The following CSMD1 variants were observed in gnomAD, a reference collection of about 807,000 sequenced individuals.
The protein encoded by CSMD1 is CUB and Sushi multiple domains 1.
Under a neutral mutation model 417.5 loss-of-function variants are expected in CSMD1, and 213 were observed. The observed-to-expected ratio is 0.51, with a 90% CI of 0.46 to 0.57. The LOEUF is 0.57. Among genes scored for constraint, CSMD1 ranks in the 20% least tolerant of loss-of-function variants. The probability of loss-of-function intolerance (pLI) is 0.00; values close to 1 mark genes in which losing one functional copy is unlikely to be tolerated. For synonymous variants in CSMD1, 2,862 were observed against 1,736.8 expected, an observed-to-expected ratio of 1.65 and a Z score of -16.11; for missense variants, 6,923 against 4,529.7, an observed-to-expected ratio of 1.53 and a Z score of -15.17.
chr8:4,782,592 C>G (rs746474506), intron 1 of CSMD1, among the ~76,000 whole-genome samples: 23 of 152,054 alleles, frequency 1.5e-4, no homozygotes, highest in Non-Finnish European at 3.1e-4. Flanking sequence ...ATTTCACATT[C>G]TTTGTAGGTA....
chr8:4,648,697 A>G (rs370820753), intron 1 of CSMD1, among the ~76,000 whole-genome samples: 7 of 152,148 alleles, frequency 4.6e-5, no homozygotes, highest in Admixed American at 2.6e-4. Flanking sequence ...TAACATTTAC[A>G]GTTGTGCTTT....
intron 3 of CSMD1, among the ~76,000 whole-genome samples, chr8:4,072,708 G>T (rs987245906): frequency 4.6e-5 from 7 of 152,128 alleles, no homozygotes; most frequent in African/African-American, 1.4e-4. Flanking sequence ...TGTGAATTGG[G>T]AATACAGAAA....
chr8:3,456,026 C>T (rs925425941), intron 12 of CSMD1, among the ~76,000 whole-genome samples: 8 of 152,174 alleles, frequency 5.3e-5, no homozygotes, highest in Non-Finnish European at 1.0e-4. Flanking sequence ...GCCCCTCCCC[C>T]AGCCTCGCCG....
rs182809039 is a variant in CSMD1 at position 4,790,278 on chromosome 8, G to A, written c.86-152720C>T. 8.0e-4 allele frequency among the ~76,000 whole-genome samples: 121 copies of A among 152,128 alleles called. 4 individuals are homozygous for A. In the South Asian group the frequency reaches 0.023, roughly 29 times the overall value. On this transcript the variant is annotated intron_variant, in intron 1 of 69. Coordinates refer to ENST00000635120, the MANE Select transcript of CSMD1 (RefSeq NM_033225.6). ...AACTAGGAATACAGCTAACCAGGAAGGTGAAATACCTCTACCACGAGAATT... is the reference window on the plus strand; with the variant it reads ...AACTAGGAATACAGCTAACCAGGAAAGTGAAATACCTCTACCACGAGAATT...
rs758625595 is a variant in CSMD1, at chr8:3,575,055, C to T, written c.1234G>A (p.Gly412Arg). ...HRPICRARTC[G>R]SNLRGPSGVI... is the part of the protein sequence containing the mutation. ...CCGCTGGGCCCACGCAGATTGGATCCACATGTTCTCGCTGGAAACACATAG... is the reference window on the plus strand; with the variant it reads ...CCGCTGGGCCCACGCAGATTGGATCTACATGTTCTCGCTGGAAACACATAG... The change falls in exon 10 of 70, where the codon GGA becomes AGA. Residue 412 changes from glycine to arginine, a missense_variant. By Grantham distance (125) the Gly-to-Arg change is moderately radical. Coordinates refer to ENST00000635120, the MANE Select transcript of CSMD1 (RefSeq NM_033225.6). 6.2e-7 allele frequency: 1 copy of T among 1,612,934 alleles called. No individual in the cohort carries two copies. Among genetic ancestry groups the T allele is most frequent in the Non-Finnish European group, 8.5e-7 (1 of 1,179,420 alleles).
At chr8:4,674,813 G>A (rs78739883) in intron 1 of CSMD1, among the ~76,000 whole-genome samples, 2 of 152,190 alleles carry the variant, frequency 1.3e-5, no homozygotes, top group East Asian at 1.9e-4. Flanking sequence ...GTGTTAAAGT[G>A]CTAAGCCCCC....
At chr8:3,655,662 T>G (rs1283847455) in intron 7 of CSMD1, among the ~76,000 whole-genome samples, 1 of 38,914 alleles carries the variant, frequency 2.6e-5, no homozygotes, top group African/African-American at 6.0e-5. Context: ...AGGTTGCGTT[T>G]TTTTTTTTTT....
At chr8:3,364,927 G>C (rs1345480737) in intron 20 of CSMD1, among the ~76,000 whole-genome samples, 3 of 152,198 alleles carry the variant, frequency 2.0e-5, no homozygotes, top group Non-Finnish European at 4.4e-5. Context: ...ACCAGAATAA[G>C]AAACTGATGC....
chr8:3,302,449 C>G (rs568284945), intron 25 of CSMD1, among the ~76,000 whole-genome samples: 1 of 152,280 alleles, frequency 6.6e-6, no homozygotes, highest in Admixed American at 6.5e-5. Context: ...AGCTATTTCT[C>G]CTGTAATTCC....
At chr8:3,221,209 A>C (rs28416291) in intron 28 of CSMD1, among the ~76,000 whole-genome samples, 11,870 of 151,976 alleles carry the variant, frequency 0.078, 518 homozygotes, top group African/African-American at 0.11. Context: ...CATTATGCCA[A>C]CCTGTTTTGG....
intron 52 of CSMD1, among the ~76,000 whole-genome samples, chr8:3,013,534 C>G (rs562616850): frequency 2.6e-5 from 4 of 152,056 alleles, no homozygotes; most frequent in African/African-American, 9.7e-5. Context: ...GCAGATCACC[C>G]AAGGTCAGGA....
chr8:4,593,040 G>A (rs919069201), intron 2 of CSMD1, among the ~76,000 whole-genome samples: 12 of 152,216 alleles, frequency 7.9e-5, no homozygotes, highest in African/African-American at 2.2e-4. Context: ...ATGCTGGAGG[G>A]GTTTGTAAAT....
At chr8:4,926,636 T>C (rs149916961) in intron 1 of CSMD1, among the ~76,000 whole-genome samples, 30 of 152,354 alleles carry the variant, frequency 2.0e-4, no homozygotes, top group African/African-American at 7.0e-4. Flanking sequence ...TCCTTAATTC[T>C]TGATTTCCTT....
chr8:4,246,650 G>T (rs1428400713), intron 3 of CSMD1, among the ~76,000 whole-genome samples: 1 of 152,130 alleles, frequency 6.6e-6, no homozygotes, highest in African/African-American at 2.4e-5. Context: ...AAATGCTGAG[G>T]CAAGCAAAAG....
intron 3 of CSMD1, among the ~76,000 whole-genome samples, chr8:4,090,186 T>C (rs961070820): frequency 6.6e-6 from 1 of 152,224 alleles, no homozygotes; most frequent in Non-Finnish European, 1.5e-5. Flanking sequence ...ACCTCCACTT[T>C]TGACTACAGT....
At chr8:3,604,009 T>C (rs1035653735) in intron 8 of CSMD1, among the ~76,000 whole-genome samples, 9 of 152,210 alleles carry the variant, frequency 5.9e-5, no homozygotes, top group African/African-American at 1.9e-4. Context: ...ATATTTATTG[T>C]TGCCTTACAA....
At chr8:2,954,837 G>C (rs902010380) in intron 64 of CSMD1, among the ~76,000 whole-genome samples, 2 of 152,116 alleles carry the variant, frequency 1.3e-5, no homozygotes, top group African/African-American at 4.8e-5. Context: ...AACAGGGAAG[G>C]GCAAGGGAAA....
intron 3 of CSMD1, among the ~76,000 whole-genome samples, chr8:4,212,061 A>T (rs956212770): frequency 8.1e-4 from 124 of 152,166 alleles, no homozygotes; most frequent in African/African-American, 2.9e-3. Context: ...TTCCTTTTCA[A>T]CTGTAAGAAA....
intron 5 of CSMD1, among the ~76,000 whole-genome samples, chr8:3,809,411 T>C (rs1800936345): frequency 6.6e-6 from 1 of 152,352 alleles, no homozygotes; most frequent in Admixed American, 6.5e-5. Flanking sequence ...ACTGTAAACC[T>C]TTGTTTCCTT....
Sources: allele counts gnomAD v4.1 joint callset (sites outside exome capture counted in the v4.1 genomes callset), GRCh38; gene constraint gnomAD v4.1.1; transcripts MANE v1.5; gene names NCBI Gene and HGNC (gene_info 2026-07-23, HGNC 2026-07-21).